KYNU: variants seen among roughly 807,000 people sequenced by gnomAD.
The protein encoded by KYNU is L-kynurenine hydrolase.
Under a neutral mutation model 59.2 loss-of-function variants are expected in KYNU, and 54 were observed. That is an observed-to-expected ratio of 0.91 (90% CI 0.73 to 1.14). The LOEUF is 1.14. Among genes scored for constraint, KYNU ranks in the 50% most tolerant of loss-of-function variants. The pLI, the probability that KYNU is intolerant of heterozygous loss-of-function variation, is 0.00. For missense variants in KYNU, 567 were observed against 554.4 expected (o/e 1.02, Z -0.23); for synonymous variants, 177 against 192.0 (o/e 0.92, Z 0.65).
At chr2:143,006,844 G>A (rs574924938) in intron 10 of KYNU, among the ~76,000 whole-genome samples, 16 of 152,090 alleles carry the variant, frequency 1.1e-4, no homozygotes, top group African/African-American at 3.9e-4. Context: ...GCAGCTGAGG[G>A]TCCTGTCTGT....
intron 2 of KYNU, among the ~76,000 whole-genome samples, chr2:142,890,775 G>A (rs1055881370): frequency 5.3e-5 from 8 of 152,134 alleles, no homozygotes; most frequent in African/African-American, 1.9e-4. Context: ...ACCATGCCAG[G>A]CAGGATTAGC....
chr2:142,909,171 T>G (rs1394080747), intron 2 of KYNU, among the ~76,000 whole-genome samples: 1 of 151,930 alleles, frequency 6.6e-6, no homozygotes, highest in East Asian at 1.9e-4. Context: ...GTTTTTTTTT[T>G]TGTGGAAGTC....
intron 3 of KYNU, among the ~76,000 whole-genome samples, chr2:142,922,080 G>A (rs1204340415): frequency 6.6e-6 from 1 of 152,184 alleles, no homozygotes; most frequent in Non-Finnish European, 1.5e-5. Flanking sequence ...AGCCAGGTCA[G>A]TGACTCCCTT....
In KYNU at chr2:143,047,270, GTTT is replaced by G. The variant is rs1172942617; in HGVS notation, c.*5100_*5102del. The G allele has an allele frequency of 6.6e-6, 1 of 152,018 alleles. No homozygotes were observed. The highest frequency in any genetic ancestry group is 1.5e-5 in the Non-Finnish European group (1 of 68,000). The allele number at this position is 152,018 out of a possible 1,614,324, so 9.4% of individuals were successfully genotyped here. A position where few individuals can be genotyped will look rare whatever the true frequency, so the allele number is the denominator to read the frequency against. ...AGTTAAAAAAAGTTGTAGAAACAGTGTTTTGCTACATTTCCCAGGCTGGTCTCA... is the reference window on the plus strand; with the variant it reads ...AGTTAAAAAAAGTTGTAGAAACAGTGTGCTACATTTCCCAGGCTGGTCTCA... On this transcript the variant is annotated 3_prime_UTR_variant, in exon 14 of 14. Coordinates refer to ENST00000264170, the MANE Select transcript of KYNU (RefSeq NM_003937.3).
chr2:142,962,212 G>A (rs1684378669), intron 8 of KYNU, among the ~76,000 whole-genome samples: 2 of 152,186 alleles, frequency 1.3e-5, no homozygotes, highest in South Asian at 4.1e-4. Flanking sequence ...ACATGAGACA[G>A]CAAGATACAG....
chr2:142,892,032 C>T (rs984468902), intron 2 of KYNU, among the ~76,000 whole-genome samples: 9 of 152,072 alleles, frequency 5.9e-5, no homozygotes, highest in African/African-American at 1.9e-4. Context: ...CCCTCCTCAG[C>T]CCCCCAATTA....
Position 143,042,227 on chromosome 2 carries a change from T to A in KYNU, c.*55T>A, listed in dbSNP as rs1312892572. 2.6e-6 allele frequency: 4 copies of A among 1,529,880 alleles called. No homozygotes were observed. The highest frequency in any genetic ancestry group is 3.6e-6 in the Non-Finnish European group (4 of 1,114,556). 94.8% of individuals were successfully genotyped at this position (1,529,880 alleles called of 1,614,324 possible). On this transcript the variant is annotated 3_prime_UTR_variant, in exon 14 of 14. Coordinates refer to ENST00000264170, the MANE Select transcript of KYNU (RefSeq NM_003937.3). ...TATACTGAAAGCTGCTGTGGTTATT[T>A]CAGTATTATTCGATTTTTAATTATT...
rs142802205 is a variant in KYNU, at chr2:143,038,701, T to C, written c.1042-1727T>C. On this transcript the variant is annotated intron_variant, in intron 12 of 13. Transcript: ENST00000264170. The stretch of plus-strand genomic sequence containing the variant: ...TAGATATCATTTACCTTCAGTACAG[T>C]TCCCAGCCTCTCCTTCAGCCAATCC... Among the ~76,000 whole-genome samples, 51 of 152,246 alleles carry C rather than the reference T, an allele frequency of 3.3e-4. 1 individual carries two copies. The highest frequency in any genetic ancestry group is 1.2e-3 in the African/African-American group (51 of 41,548).
chr2:142,911,861 T>C (rs1166840377), intron 2 of KYNU, among the ~76,000 whole-genome samples: 2 of 152,206 alleles, frequency 1.3e-5, no homozygotes, highest in Non-Finnish European at 2.9e-5. Flanking sequence ...TGGATTTACA[T>C]GTGTTGAATC....
chr2:143,038,158 A>G (rs1428946414), intron 12 of KYNU, among the ~76,000 whole-genome samples: 1 of 152,168 alleles, frequency 6.6e-6, no homozygotes, highest in Non-Finnish European at 1.5e-5. Context: ...ATTAAATGTG[A>G]TACTTCACAT....
intron 2 of KYNU, among the ~76,000 whole-genome samples, chr2:142,893,830 A>G (rs1449328378): frequency 6.6e-6 from 1 of 152,168 alleles, no homozygotes; most frequent in Non-Finnish European, 1.5e-5. Flanking sequence ...CTCTAAGGAT[A>G]TATTGGCCCC....
intron 10 of KYNU, among the ~76,000 whole-genome samples, chr2:143,025,128 C>A (rs10496940): frequency 0.12 from 17,578 of 151,946 alleles, 1,097 homozygotes; most frequent in East Asian, 0.25. Flanking sequence ...TAATCCTATT[C>A]CTACATTTTT....
intron 8 of KYNU, among the ~76,000 whole-genome samples, chr2:142,971,851 C>T (rs1405854944): frequency 6.6e-6 from 1 of 152,156 alleles, no homozygotes; most frequent in Non-Finnish European, 1.5e-5. Flanking sequence ...GTTAATTAGT[C>T]TAAAAAATCA....
At chr2:142,939,602 C>CAAAAAAAAAAAAAAAAAAAA (rs71301737) in intron 4 of KYNU, among the ~76,000 whole-genome samples, 14 of 65,088 alleles carry the variant, frequency 2.2e-4, no homozygotes, top group South Asian at 1.2e-3. Context: ...CTCCATCTCA[C>CAAAAAAAAAAAAAAAAAAAA]AAAAAAAAAA....
chr2:142,909,118 C>T (rs16858279), intron 2 of KYNU, among the ~76,000 whole-genome samples: 13,034 of 151,232 alleles, frequency 0.086, 631 homozygotes, highest in South Asian at 0.092. Flanking sequence ...TCATATATGG[C>T]TAGTGTTGAT....
intron 12 of KYNU, among the ~76,000 whole-genome samples, chr2:143,039,037 C>T (rs114108375): frequency 1.4e-3 from 214 of 152,194 alleles, no homozygotes; most frequent in African/African-American, 4.9e-3. Context: ...TCTGTTCTGA[C>T]CCCTAATATT....
chr2:142,907,964 C>T (rs1388473269), intron 2 of KYNU, among the ~76,000 whole-genome samples: 1 of 152,210 alleles, frequency 6.6e-6, no homozygotes, highest in Non-Finnish European at 1.5e-5. Context: ...CTTTGCTTTT[C>T]CATCAAAACA....
chr2:143,055,754 T>A lies in KYNU; in HGVS notation c.*13582T>A, dbSNP rs2104938459. 1 of 152,076 alleles carries A rather than the reference T, an allele frequency of 6.6e-6. No homozygotes were observed. The highest frequency in any genetic ancestry group is 1.9e-4 in the East Asian group (1 of 5,182). The allele number at this position is 152,076 out of a possible 1,614,324, so 9.4% of individuals were successfully genotyped here. On this transcript the variant is annotated 3_prime_UTR_variant, in exon 14 of 14. Coordinates refer to ENST00000264170, the MANE Select transcript of KYNU (RefSeq NM_003937.3). ...TAGTATGAAAAAATCTTGATAAATT[T>A]GAAAACTGGGTGAATAATATGTGGA...
In KYNU at chr2:143,055,732, T is replaced by C. The variant is rs1047245820; in HGVS notation, c.*13560T>C. ...GTAGGAGGGAAGAAGAAAAAAATAG[T>C]ATGAAAAAATCTTGATAAATTTGAA... On this transcript the variant is annotated 3_prime_UTR_variant, in exon 14 of 14. Transcript: ENST00000264170. The C allele has an allele frequency of 1.3e-5, 2 of 151,724 alleles. No individual in the cohort carries two copies. The highest frequency in any genetic ancestry group is 2.4e-5 in the African/African-American group (1 of 41,312). 9.4% of individuals were successfully genotyped at this position (151,724 alleles called of 1,614,324 possible).
Sources: gnomAD v4.1 joint callset for allele counts (sites outside exome capture counted in the v4.1 genomes callset) on GRCh38, gnomAD v4.1.1 for gene constraint, MANE v1.5 for transcripts, NCBI Gene and HGNC (gene_info 2026-07-23, HGNC 2026-07-21) for gene names.